Variants in FMN2 observed in about 807,000 individuals in gnomAD.
FMN2 encodes formin-2.
FMN2 carries 51 observed loss-of-function variants against 142.3 expected under a neutral mutation model. That is an observed-to-expected ratio of 0.36 (90% CI 0.29 to 0.45). The LOEUF is 0.45. Ranked by LOEUF, FMN2 falls within the 20% of genes least tolerant of loss-of-function variation. FMN2 has a pLI of 1.00. For synonymous variants in FMN2, 882 were observed against 869.8 expected, an observed-to-expected ratio of 1.01 and a Z score of -0.25; for missense variants, 1,936 against 2,122.8, an observed-to-expected ratio of 0.91 and a Z score of 1.73.
At chr1:240,436,891 G>A (rs1047120854) in intron 15 of FMN2, among the ~76,000 whole-genome samples, 1 of 152,142 alleles carries the variant, frequency 6.6e-6, no homozygotes, top group African/African-American at 2.4e-5. Flanking sequence ...TTGAGTTTTT[G>A]TGGAGCAGAA....
chr1:240,149,655 T>C (rs971726874), intron 2 of FMN2, among the ~76,000 whole-genome samples: 6 of 152,240 alleles, frequency 3.9e-5, no homozygotes, highest in Non-Finnish European at 8.8e-5. Context: ...ACAGGGATTC[T>C]AGTGTCAAAT....
At chr1:240,270,192 A>G (rs1668951744) in intron 7 of FMN2, among the ~76,000 whole-genome samples, 1 of 152,040 alleles carries the variant, frequency 6.6e-6, no homozygotes, top group African/African-American at 2.4e-5. Flanking sequence ...TTATCATATT[A>G]AGAAACATTC....
At chr1:240,143,951 G>A in intron 2 of FMN2, 1 of 1,456,806 alleles carries the variant, frequency 6.9e-7, no homozygotes. Context: ...AAGTCTCATG[G>A]TGTTGCTGTT....
chr1:240,111,595 C>T (rs1262870175), intron 1 of FMN2, among the ~76,000 whole-genome samples: 3 of 152,022 alleles, frequency 2.0e-5, no homozygotes, highest in Non-Finnish European at 4.4e-5. Context: ...CTCTGGTCAC[C>T]GTCTTGGTTT....
At chr1:240,100,379 G>T (rs1407391220) in intron 1 of FMN2, among the ~76,000 whole-genome samples, 1 of 152,126 alleles carries the variant, frequency 6.6e-6, no homozygotes, top group Non-Finnish European at 1.5e-5. Flanking sequence ...TAGCATTAAG[G>T]AACCATTAGG....
intron 2 of FMN2, among the ~76,000 whole-genome samples, chr1:240,142,501 T>TTATTTATTTA (rs1164646678): frequency 1.3e-5 from 1 of 78,680 alleles, no homozygotes; most frequent in South Asian, 3.6e-4. Context: ...TTATTTATAT[T>TTATTTATTTA]TTTTGGGGGG....
chr1:240,176,566 G>C (rs773804510), intron 2 of FMN2, among the ~76,000 whole-genome samples: 2 of 152,166 alleles, frequency 1.3e-5, no homozygotes, highest in Non-Finnish European at 2.9e-5. Context: ...TTTTAAGTGT[G>C]GGGATGTTCT....
intron 1 of FMN2, among the ~76,000 whole-genome samples, chr1:240,117,344 T>G (rs184508507): frequency 3.8e-4 from 58 of 152,264 alleles, no homozygotes; most frequent in Non-Finnish European, 3.1e-4. Flanking sequence ...TTGGCCTCCT[T>G]GAGGTATATA....
chr1:240,468,268 A>ACATATACATATGCACACACG (rs1676692960), intron 16 of FMN2, among the ~76,000 whole-genome samples: 2 of 151,976 alleles, frequency 1.3e-5, no homozygotes, highest in African/African-American at 2.4e-5. Flanking sequence ...ATGCACACAC[A>ACATATACATATGCACACACG]CATATACATA....
chr1:240,121,896 C>T (rs1033887655), intron 1 of FMN2, among the ~76,000 whole-genome samples: 5 of 151,386 alleles, frequency 3.3e-5, no homozygotes, highest in African/African-American at 1.2e-4. Flanking sequence ...GGGTTGGTGC[C>T]TTTGCCTGCC....
chr1:240,188,125 T>C (rs955821697), intron 3 of FMN2, 82 bp from the exon 4 acceptor site: 2 of 1,348,910 alleles, frequency 1.5e-6, no homozygotes, highest in African/African-American at 1.5e-5. Flanking sequence ...TGATATATTT[T>C]AGTGAAAGTT....
At chr1:240,239,926 A>G (rs1195585843) in intron 6 of FMN2, among the ~76,000 whole-genome samples, 2 of 152,236 alleles carry the variant, frequency 1.3e-5, no homozygotes, top group Non-Finnish European at 2.9e-5. Flanking sequence ...CTACAAAGGA[A>G]GGGAACTATT....
intron 2 of FMN2, among the ~76,000 whole-genome samples, chr1:240,173,556 C>T (rs1664795679): frequency 6.6e-6 from 1 of 152,038 alleles, no homozygotes; most frequent in African/African-American, 2.4e-5. Context: ...CTGGAGAAGG[C>T]ATTCTAGTGG....
chr1:240,298,689 G>T (rs2102968636), intron 8 of FMN2, among the ~76,000 whole-genome samples: 1 of 152,268 alleles, frequency 6.6e-6, no homozygotes, highest in South Asian at 2.1e-4. Context: ...CTCTTTATGA[G>T]AACCTAATGC....
At position 240,457,796 on chromosome 1, in the gene FMN2, A is replaced by C. The variant is rs562010733; in HGVS notation, c.5061-14576A>C. 5 of 152,502 alleles carry C rather than the reference A, an allele frequency of 3.3e-5. No individual in the cohort carries two copies. The South Asian group carries it at 1.0e-3, about 32-fold the overall frequency. 9.4% of individuals were successfully genotyped at this position (152,502 alleles called of 1,614,324 possible). ...TGGAGCAGAGTGAGTGAGAGTTGAG[A>C]GGTAGAAGATGAATTCGGAGAGGGA... On this transcript the variant is annotated intron_variant, in intron 16 of 17. Coordinates refer to ENST00000319653, the MANE Select transcript of FMN2 (RefSeq NM_020066.5).
intron 2 of FMN2, among the ~76,000 whole-genome samples, chr1:240,126,498 G>T (rs1178335798): frequency 2.6e-5 from 4 of 151,922 alleles, no homozygotes; most frequent in Non-Finnish European, 4.4e-5. Context: ...CACTGATGTA[G>T]TTTATGTATT....
intron 5 of FMN2, among the ~76,000 whole-genome samples, 195 bp downstream of exon 5, chr1:240,208,927 G>A (rs774811413): frequency 4.6e-5 from 7 of 152,102 alleles, no homozygotes; most frequent in Non-Finnish European, 7.3e-5. Context: ...TACCAAAGAT[G>A]TAAAATAAAT....
intron 7 of FMN2, among the ~76,000 whole-genome samples, chr1:240,268,676 A>G (rs1274149495): frequency 6.6e-6 from 1 of 152,014 alleles, no homozygotes. Flanking sequence ...CCTGATAGTT[A>G]AACTAGTTTC....
At chr1:240,438,567 G>A (rs1414659377) in intron 16 of FMN2, among the ~76,000 whole-genome samples, 1 of 152,180 alleles carries the variant, frequency 6.6e-6, no homozygotes, top group African/African-American at 2.4e-5. Context: ...AAGGCTAGAA[G>A]GGTAAAAGGA....
Sources: allele counts gnomAD v4.1 joint callset (sites outside exome capture counted in the v4.1 genomes callset), GRCh38; gene constraint gnomAD v4.1.1; transcripts MANE v1.5; gene names NCBI Gene and HGNC (gene_info 2026-07-23, HGNC 2026-07-21).